The following GABRA3 variants were observed in gnomAD, a reference collection of about 807,000 sequenced individuals.
The protein encoded by GABRA3 is gamma-aminobutyric acid receptor subunit alpha-3.
In GABRA3, 10 loss-of-function variants were observed where a neutral mutation model predicts 30.1. The observed-to-expected ratio is 0.33, with a 90% confidence interval of 0.20 to 0.56. The LOEUF (loss-of-function observed/expected upper bound fraction) is 0.56. GABRA3 is among the 20% of genes least tolerant of loss of function. The pLI, the probability that GABRA3 is intolerant of heterozygous loss-of-function variation, is 0.89. For synonymous variants in GABRA3, 151 were observed against 146.8 expected, an observed-to-expected ratio of 1.03 and a Z score of -0.21; for missense variants, 233 against 392.0, an observed-to-expected ratio of 0.59 and a Z score of 3.42.
At chrX:152,286,413 TCTCACTCCAG>T in intron 3 of GABRA3, among the ~76,000 whole-genome samples, 1 of 109,810 alleles carries the variant, frequency 9.1e-6, no homozygotes, top group Non-Finnish European at 1.9e-5. Flanking sequence ...ACCAAACAAG[TCTCACTCCAG>T]CCCAGCATAG....
chrX:152,289,955 G>A (rs1939372929), intron 3 of GABRA3, among the ~76,000 whole-genome samples: 1 of 111,837 alleles, frequency 8.9e-6, no homozygotes, highest in South Asian at 3.7e-4. Flanking sequence ...TTCTGCTATT[G>A]TGAATAGTGC....
At chrX:152,416,952 G>T (rs1257582203) in intron 1 of GABRA3, among the ~76,000 whole-genome samples, 7 of 105,462 alleles carry the variant, frequency 6.6e-5, no homozygotes, top group Non-Finnish European at 1.4e-4. Context: ...TACCATTCAG[G>T]ACATAGGCAT....
At position 152,212,303 on chromosome X, in the gene GABRA3, AAAAAAAAAAAAAAAAAAAAAAAAAAAAAT is replaced by A. The variant is rs1465208998; in HGVS notation, c.635-4188_635-4160del. Among the ~76,000 whole-genome samples the A allele has an allele frequency of 1.4e-3, 101 of 73,168 alleles. 2 individuals are homozygous for A. Among genetic ancestry groups the A allele is most frequent in the African/African-American group, 4.9e-3 (91 of 18,668 alleles). 63.5% of individuals were successfully genotyped at this position (73,168 alleles called of 115,157 possible). A position where few individuals can be genotyped will look rare whatever the true frequency, so the allele number is the denominator to read the frequency against. On this transcript the variant is annotated intron_variant, in intron 6 of 9. Coordinates refer to ENST00000370314, the MANE Select transcript of GABRA3 (RefSeq NM_000808.4). ...TTGTCTCAAAAAAAAAAAAAAAAAA[AAAAAAAAAAAAAAAAAAAAAAAAAAAAAT>A]TCCAAATTGCCTACCCTAAGAACTA...
intron 2 of GABRA3, among the ~76,000 whole-genome samples, chrX:152,355,432 T>C (rs960690071): frequency 2.7e-4 from 30 of 111,404 alleles, no homozygotes; most frequent in Middle Eastern, 9.2e-3. Context: ...AGACTGGGCA[T>C]GTAACTCCCT....
At chrX:152,295,165 G>C (rs960882603) in intron 3 of GABRA3, among the ~76,000 whole-genome samples, 1 of 112,536 alleles carries the variant, frequency 8.9e-6, no homozygotes, top group Non-Finnish European at 1.9e-5. Flanking sequence ...GGACCCACTT[G>C]AGGAGGCAGT....
intron 1 of GABRA3, among the ~76,000 whole-genome samples, chrX:152,441,317 C>T (rs961403203): frequency 3.6e-5 from 4 of 111,272 alleles, no homozygotes; most frequent in Admixed American, 9.5e-5. Flanking sequence ...AATAAATTTA[C>T]CAACCTTCAT....
chrX:152,433,695 TGAAG>T (rs1412981580), intron 1 of GABRA3, among the ~76,000 whole-genome samples: 15 of 68,990 alleles, frequency 2.2e-4, no homozygotes, highest in Middle Eastern at 0.011. Context: ...TGAAATAGAA[TGAAG>T]GAAGACCAAA....
rs143891095 is a variant in GABRA3 at position 152,204,762 on chromosome X, T to C, written c.778+3239A>G. 3.5e-3 allele frequency among the ~76,000 whole-genome samples: 395 copies of C among 111,925 alleles called. 3 individuals are homozygous for C. Among genetic ancestry groups the C allele is most frequent in the African/African-American group, 0.012 (374 of 30,819 alleles). ...TTGCATTATTTTCCTAGGGCTGCCA[T>C]AACAAAGTACTACACCCTGGATGGG... On this transcript the variant is annotated intron_variant, in intron 7 of 9. Transcript: ENST00000370314.
chrX:152,271,964 G>A (rs777550205), intron 4 of GABRA3, among the ~76,000 whole-genome samples: 1 of 112,227 alleles, frequency 8.9e-6, no homozygotes, highest in East Asian at 2.8e-4. Flanking sequence ...AGATTTCAGA[G>A]GATATATGGA....
At chrX:152,386,319 A>T (rs1266898043) in intron 1 of GABRA3, among the ~76,000 whole-genome samples, 2 of 110,441 alleles carry the variant, frequency 1.8e-5, no homozygotes, top group Non-Finnish European at 3.8e-5. Context: ...GTCCCTTGTA[A>T]GTTGGATTCC....
intron 4 of GABRA3, among the ~76,000 whole-genome samples, chrX:152,280,347 T>G (rs917554949): frequency 9.0e-6 from 1 of 111,445 alleles, no homozygotes; most frequent in Non-Finnish European, 1.9e-5. Context: ...CAGCCTAAAA[T>G]AGACAAAGGT....
intron 3 of GABRA3, among the ~76,000 whole-genome samples, chrX:152,312,834 ACTT>A (rs1939818641): frequency 8.9e-6 from 1 of 112,128 alleles, no homozygotes; most frequent in African/African-American, 3.2e-5. Context: ...ATGAACAGAC[ACTT>A]CTTCAAAGAA....
At chrX:152,404,733 TTA>T (rs766176863) in intron 1 of GABRA3, among the ~76,000 whole-genome samples, 5 of 1,821 alleles carry the variant, frequency 2.7e-3, no homozygotes, top group Admixed American at 0.013. Context: ...AGGAAGTCAT[TTA>T]TTATTATTAT....
intron 5 of GABRA3, among the ~76,000 whole-genome samples, chrX:152,252,671 G>T (rs777630528): frequency 9.0e-6 from 1 of 111,561 alleles, no homozygotes; most frequent in Admixed American, 9.5e-5. Flanking sequence ...CAGTCAAGAT[G>T]GGTTAGATTA....
chrX:152,292,609 GT>G (rs1569385951), intron 3 of GABRA3, among the ~76,000 whole-genome samples: 1 of 110,701 alleles, frequency 9.0e-6, no homozygotes, highest in Non-Finnish European at 1.9e-5. Flanking sequence ...TTTGCTTGTT[GT>G]TGCTTCTCTA....
intron 9 of GABRA3, among the ~76,000 whole-genome samples, chrX:152,185,391 A>G (rs1937239491): frequency 9.0e-6 from 1 of 111,565 alleles, no homozygotes. Context: ...TGTTCTCTCT[A>G]TTTAAAATTT....
chrX:152,289,968 C>A (rs1470920018), intron 3 of GABRA3, among the ~76,000 whole-genome samples: 1 of 111,934 alleles, frequency 8.9e-6, no homozygotes, highest in Non-Finnish European at 1.9e-5. Flanking sequence ...AATAGTGCCA[C>A]AATAAACATA....
chrX:152,333,814 A>C (rs905116317), intron 3 of GABRA3, among the ~76,000 whole-genome samples: 1 of 111,979 alleles, frequency 8.9e-6, no homozygotes, highest in African/African-American at 3.2e-5. Context: ...CAGTATTATA[A>C]AGATTTTTTA....
intron 3 of GABRA3, among the ~76,000 whole-genome samples, chrX:152,291,301 A>G (rs1448629662): frequency 9.0e-6 from 1 of 111,488 alleles, no homozygotes; most frequent in Non-Finnish European, 1.9e-5. Context: ...TTCACTCATG[A>G]TGTGGCTCTC....
Sources: allele counts gnomAD v4.1 joint callset (sites outside exome capture counted in the v4.1 genomes callset), GRCh38; gene constraint gnomAD v4.1.1; transcripts MANE v1.5; gene names NCBI Gene and HGNC (gene_info 2026-07-23, HGNC 2026-07-21).